The following CACNA1E variants were observed in gnomAD, a reference collection of about 807,000 sequenced individuals.
CACNA1E encodes voltage-dependent R-type calcium channel subunit alpha-1E.
CACNA1E carries 40 observed loss-of-function variants against 259.2 expected under a neutral mutation model. That is an observed-to-expected ratio of 0.15 (90% CI 0.12 to 0.20). The LOEUF is 0.20. Ranked by LOEUF, CACNA1E falls within the 10% of genes least tolerant of loss-of-function variation. The pLI is 1.00. For synonymous variants in CACNA1E, 1,104 were observed against 1,138.5 expected (o/e 0.97, Z 0.61); for missense variants, 1,874 against 3,040.1 (o/e 0.62, Z 9.02).
chr1:181,687,412 C>A (rs1238456868), intron 7 of CACNA1E, among the ~76,000 whole-genome samples: 5 of 152,066 alleles, frequency 3.3e-5, no homozygotes, highest in Non-Finnish European at 5.9e-5. Context: ...CACCACACTT[C>A]TTCTGTCTTG....
intron 2 of CACNA1E, among the ~76,000 whole-genome samples, chr1:181,425,535 C>CT (rs1467331344): frequency 7.6e-5 from 9 of 118,996 alleles, no homozygotes; most frequent in African/African-American, 3.2e-4. Context: ...CCCCGCTCCC[C>CT]CCCCCGACCC....
intron 14 of CACNA1E, 71 bp downstream of exon 14, chr1:181,720,408 A>G (rs1654312655): frequency 2.0e-5 from 30 of 1,495,666 alleles, no homozygotes; most frequent in Non-Finnish European, 2.7e-5. Flanking sequence ...GGCTAGGGTC[A>G]TTAACTCAAT....
chr1:181,739,693 G>C (rs1656384378), intron 25 of CACNA1E, among the ~76,000 whole-genome samples: 1 of 152,188 alleles, frequency 6.6e-6, no homozygotes, highest in Admixed American at 6.5e-5. Context: ...CCTAGGCATG[G>C]TGAGGTTTTC....
intron 3 of CACNA1E, among the ~76,000 whole-genome samples, chr1:181,573,758 C>T (rs751527778): frequency 2.8e-4 from 42 of 152,176 alleles, no homozygotes; most frequent in Non-Finnish European, 5.3e-4. Flanking sequence ...CCATTTGACC[C>T]AGCAATCCCA....
chr1:181,539,879 A>G (rs1209530599), intron 3 of CACNA1E, among the ~76,000 whole-genome samples: 2 of 152,182 alleles, frequency 1.3e-5, no homozygotes, highest in African/African-American at 2.4e-5. Flanking sequence ...GTGGAGCTGT[A>G]TTACTTATTA....
At chr1:181,432,068 C>A (rs1334964823) in intron 2 of CACNA1E, among the ~76,000 whole-genome samples, 1 of 152,144 alleles carries the variant, frequency 6.6e-6, no homozygotes, top group Non-Finnish European at 1.5e-5. Context: ...TGGAGTCAGC[C>A]CCCTTTGGAA....
intron 2 of CACNA1E, among the ~76,000 whole-genome samples, chr1:181,453,155 C>CT (rs1661263658): frequency 6.6e-6 from 1 of 152,150 alleles, no homozygotes; most frequent in Non-Finnish European, 1.5e-5. Flanking sequence ...CATTAAGTTA[C>CT]TTTTTTTAAA....
At chr1:181,795,444 A>AT (rs11306687) in intron 46 of CACNA1E, among the ~76,000 whole-genome samples, 3,638 of 146,912 alleles carry the variant, frequency 0.025, 52 homozygotes, top group Non-Finnish European at 0.034. Context: ...CTGTGTTTGA[A>AT]TTTTTTTTTT....
intron 7 of CACNA1E, among the ~76,000 whole-genome samples, chr1:181,686,245 T>G (rs1031292346): frequency 6.6e-6 from 1 of 150,400 alleles, no homozygotes; most frequent in African/African-American, 2.4e-5. Flanking sequence ...TAGATCCAAT[T>G]ACAGAGGCTT....
intron 10 of CACNA1E, 149 bp from the exon 11 acceptor site, chr1:181,716,944 T>G (rs1391048305): frequency 1.5e-6 from 1 of 649,128 alleles, no homozygotes; most frequent in Non-Finnish European, 2.7e-6. Context: ...TAGAAACTAC[T>G]GAGCCCGTAA....
chr1:181,774,125 C>A (rs1180798616), intron 37 of CACNA1E, among the ~76,000 whole-genome samples: 1 of 152,190 alleles, frequency 6.6e-6, no homozygotes, highest in Non-Finnish European at 1.5e-5. Flanking sequence ...TTAAACCTGC[C>A]TCACAAAGAG....
At chr1:181,790,980 G>T (rs776029061) in intron 44 of CACNA1E, among the ~76,000 whole-genome samples, 1 of 152,170 alleles carries the variant, frequency 6.6e-6, no homozygotes, top group Non-Finnish European at 1.5e-5. Context: ...CCATTCCTTA[G>T]TGATGCCCAC....
At chr1:181,533,157 G>A (rs1015644276) in intron 3 of CACNA1E, among the ~76,000 whole-genome samples, 1 of 151,866 alleles carries the variant, frequency 6.6e-6, no homozygotes, top group South Asian at 2.1e-4. Context: ...GACAGGATAT[G>A]AATAAAATCC....
At chr1:181,721,248 C>A (rs979749021) in intron 15 of CACNA1E, among the ~76,000 whole-genome samples, 1 of 152,282 alleles carries the variant, frequency 6.6e-6, no homozygotes, top group East Asian at 1.9e-4. Context: ...CCTACTCCCC[C>A]CAAAACTCAA....
intron 1 of CACNA1E, among the ~76,000 whole-genome samples, chr1:181,406,017 G>T (rs748112735): frequency 2.0e-5 from 3 of 152,190 alleles, no homozygotes. Context: ...GCAGAGTTGT[G>T]TAGTTGCAAC....
intron 18 of CACNA1E, among the ~76,000 whole-genome samples, chr1:181,726,763 G>A (rs1654943931): frequency 6.6e-6 from 1 of 152,164 alleles, no homozygotes; most frequent in Non-Finnish European, 1.5e-5. Flanking sequence ...ATGGACTGTA[G>A]GGGCCAGAGT....
At chr1:181,705,659 C>T (rs12567235) in intron 7 of CACNA1E, among the ~76,000 whole-genome samples, 4,997 of 152,220 alleles carry the variant, frequency 0.033, 177 homozygotes, top group East Asian at 0.19. Flanking sequence ...GGAGGAGCAA[C>T]CTAAAATTAA....
intron 36 of CACNA1E, 47 bp from the exon 37 acceptor site, chr1:181,772,019 G>A: frequency 6.4e-7 from 1 of 1,566,724 alleles, no homozygotes; most frequent in Non-Finnish European, 8.7e-7. Flanking sequence ...GAATATGATA[G>A]GATCTGCAGA....
At chr1:181,565,504 AG>A (rs1249709088) in intron 3 of CACNA1E, among the ~76,000 whole-genome samples, 3 of 152,212 alleles carry the variant, frequency 2.0e-5, no homozygotes, top group African/African-American at 7.2e-5. Context: ...CAGCTGCTTC[AG>A]AAGAGATCAA....
Sources: gnomAD v4.1 joint callset for allele counts (sites outside exome capture counted in the v4.1 genomes callset) on GRCh38, gnomAD v4.1.1 for gene constraint, MANE v1.5 for transcripts, NCBI Gene and HGNC (gene_info 2026-07-23, HGNC 2026-07-21) for gene names.